The following ARHGAP39 variants were observed in gnomAD, a reference collection of about 807,000 sequenced individuals.
ARHGAP39 encodes the protein Rho GTPase activating protein 39.
In ARHGAP39, 44 loss-of-function variants were observed where a neutral mutation model predicts 106.9. The observed-to-expected ratio is 0.41, with a 90% CI of 0.32 to 0.53. The LOEUF (loss-of-function observed/expected upper bound fraction) is 0.53, where lower values mean the gene tolerates loss of function less well. Among genes scored for constraint, ARHGAP39 ranks in the 20% least tolerant of loss-of-function variants. ARHGAP39 has a pLI of 0.21. For synonymous variants in ARHGAP39, 768 were observed against 693.2 expected, an observed-to-expected ratio of 1.11 and a Z score of -1.69; for missense variants, 1,496 against 1,577.3, an observed-to-expected ratio of 0.95 and a Z score of 0.87.
At chr8:144,575,194 C>T (rs181793162) in intron 3 of ARHGAP39, among the ~76,000 whole-genome samples, 1 of 152,180 alleles carries the variant, frequency 6.6e-6, no homozygotes, top group Non-Finnish European at 1.5e-5. Flanking sequence ...AGTTGCCGTG[C>T]GTGTCGGTGA....
intron 1 of ARHGAP39, among the ~76,000 whole-genome samples, chr8:144,618,852 C>T (rs1048329041): frequency 1.3e-5 from 2 of 152,260 alleles, no homozygotes; most frequent in African/African-American, 4.8e-5. Flanking sequence ...GTGAGCAGGA[C>T]CGCGGGCGCA....
intron 2 of ARHGAP39, among the ~76,000 whole-genome samples, chr8:144,583,337 A>G (rs1178607338): frequency 6.6e-6 from 1 of 152,238 alleles, no homozygotes; most frequent in Non-Finnish European, 1.5e-5. Context: ...GCCTTCACCC[A>G]GATTCACCGC....
At chr8:144,568,179 CA>C (rs1818468855) in intron 3 of ARHGAP39, among the ~76,000 whole-genome samples, 1 of 151,580 alleles carries the variant, frequency 6.6e-6, no homozygotes, top group Admixed American at 6.6e-5. Context: ...CAAAAAAATA[CA>C]AAAATTAGCT....
At chr8:144,582,426 C>T (rs373392531) in intron 2 of ARHGAP39, among the ~76,000 whole-genome samples, 2 of 152,218 alleles carry the variant, frequency 1.3e-5, no homozygotes, top group South Asian at 2.1e-4. Context: ...CTGGGGAAGC[C>T]GGGCCCTCAC....
rs540867268 is a variant in ARHGAP39, at chr8:144,565,024, C to A, written c.513-9381G>T. Among the ~76,000 whole-genome samples, 130 of 151,916 alleles carry A rather than the reference C, an allele frequency of 8.6e-4. 1 individual carries two copies. The highest frequency in any genetic ancestry group is 3.1e-3 in the African/African-American group (129 of 41,398). ...ACTCGGGAGGCTGAGACAGGAGACT[C>A]GCTTGAACCCGGGAGGCAGAGGTTG... On this transcript the variant is annotated intron_variant, in intron 3 of 11. Coordinates refer to ENST00000377307, the MANE Select transcript of ARHGAP39 (RefSeq NM_025251.3).
intron 4 of ARHGAP39, among the ~76,000 whole-genome samples, chr8:144,553,420 C>G (rs1817795108): frequency 6.6e-6 from 1 of 152,234 alleles, no homozygotes; most frequent in Non-Finnish European, 1.5e-5. Flanking sequence ...TGAGAACACA[C>G]AGAGCACGCG....
rs773570142 is a variant in ARHGAP39 at position 144,530,103 on chromosome 8, G to C, written c.*319C>G. On this transcript the variant is annotated 3_prime_UTR_variant, in exon 12 of 12. Coordinates refer to ENST00000377307, the MANE Select transcript of ARHGAP39 (RefSeq NM_025251.3). ...CCACAGGGAGGCAGCCCGGCCCCAAGGAGGCAGCGTCGCTCGGCTCCAGGA... is the reference window on the plus strand; with the variant it reads ...CCACAGGGAGGCAGCCCGGCCCCAACGAGGCAGCGTCGCTCGGCTCCAGGA... 86 of 340,934 alleles carry C rather than the reference G, an allele frequency of 2.5e-4. No individual in the cohort carries two copies. The highest frequency in any genetic ancestry group is 3.4e-4 in the Non-Finnish European group (64 of 186,032). 21.1% of individuals were successfully genotyped at this position (340,934 alleles called of 1,614,324 possible).
At chr8:144,648,242 T>G (rs1336183508) in intron 1 of ARHGAP39, among the ~76,000 whole-genome samples, 1 of 152,178 alleles carries the variant, frequency 6.6e-6, no homozygotes, top group Non-Finnish European at 1.5e-5. Context: ...AGATGGCTCA[T>G]CCATAGCTCC....
At position 144,548,488 on chromosome 8, in the gene ARHGAP39, T is replaced by C; in HGVS notation, c.598A>G (p.Thr200Ala). The stretch of plus-strand genomic sequence containing the variant: ...CCCGAGTTCCACCGCAGCGAGGAGG[T>C]CCTGCGTGGGGGGTGGACGGGCACA... ...SADGQLLHYR[T>A]SSLRWNSGAK... Residue 200 changes from threonine (T) to alanine (A), a missense_variant and splice_region_variant, in exon 5 of 12, where the codon ACC becomes GCC. This residue lies in a region of ARHGAP39 where 905 missense variants were observed against 816.4 expected (regional missense o/e 1.11). Transcript: ENST00000377307. This position sits in a 1 kb window ranked among gnomAD's most constrained non-coding sequence, Gnocchi z 7.4. 1 of 1,608,078 alleles carries C rather than the reference T, an allele frequency of 6.2e-7. No individual in the cohort carries two copies. The highest frequency in any genetic ancestry group is 2.2e-5 in the East Asian group (1 of 44,836).
At chr8:144,690,827 T>G (rs2129807312), upstream of ARHGAP39, among the ~76,000 whole-genome samples, 1 of 151,116 alleles carries the variant, frequency 6.6e-6, no homozygotes, top group South Asian at 2.1e-4. Flanking sequence ...TTTTTTTTTT[T>G]TTTGTAGTTT....
At chr8:144,601,274 G>A (rs539419093) in intron 2 of ARHGAP39, among the ~76,000 whole-genome samples, 1 of 147,350 alleles carries the variant, frequency 6.8e-6, no homozygotes, top group East Asian at 2.1e-4. Flanking sequence ...GAACCTGTGT[G>A]TGTGCATGGA....
At chr8:144,655,813 C>T (rs111318668) in intron 1 of ARHGAP39, among the ~76,000 whole-genome samples, 3,387 of 152,170 alleles carry the variant, frequency 0.022, 115 homozygotes, top group African/African-American at 0.074. Context: ...CCAAAGACCC[C>T]GTAACACTAT....
rs1274357900 is a variant in ARHGAP39, at chr8:144,684,760, T to C, written c.-82+926A>G. 2.0e-5 allele frequency among the ~76,000 whole-genome samples: 3 copies of C among 152,152 alleles called. No homozygotes were observed. Among genetic ancestry groups the C allele is most frequent in the Admixed American group, 2.0e-4 (3 of 15,290 alleles). ...AGCAACCGGGAAGCAACCGAGGGAA[T>C]TCCAGCTCGGGGGGCAACCGGGAGG... On this transcript the variant is annotated intron_variant, in intron 1 of 11. Transcript: ENST00000377307. This position sits in a 1 kb window ranked among gnomAD's most constrained non-coding sequence, Gnocchi z 4.4.
intron 3 of ARHGAP39, among the ~76,000 whole-genome samples, chr8:144,565,059 G>A (rs1260507313): frequency 6.6e-6 from 1 of 151,640 alleles, no homozygotes; most frequent in African/African-American, 2.4e-5. Context: ...GCCGTGAGCC[G>A]AGATTGCGCC....
At chr8:144,560,110 T>A (rs1051254595) in intron 3 of ARHGAP39, among the ~76,000 whole-genome samples, 32 of 152,260 alleles carry the variant, frequency 2.1e-4, no homozygotes, top group African/African-American at 7.0e-4. Flanking sequence ...AAGGTCATTT[T>A]AAAAATGTTT....
In ARHGAP39 at chr8:144,585,157, A is replaced by G. The variant is rs547478375; in HGVS notation, c.81-3880T>C. 6.6e-6 allele frequency among the ~76,000 whole-genome samples: 1 copy of G among 152,046 alleles called. No homozygotes were observed. The highest frequency in any genetic ancestry group is 1.9e-4 in the East Asian group (1 of 5,146). On this transcript the variant is annotated intron_variant, in intron 2 of 11. Coordinates refer to ENST00000377307, the MANE Select transcript of ARHGAP39 (RefSeq NM_025251.3). This position sits in a 1 kb window ranked among gnomAD's most constrained non-coding sequence, Gnocchi z 4.6. ...CTGTGTCCCTCTCTGCTTTCACAGG[A>G]CCATTAAGGGAAACCCCACAGCAGG...
At chr8:144,685,221 G>A (rs1822552424) in intron 1 of ARHGAP39, among the ~76,000 whole-genome samples, 1 of 148,334 alleles carries the variant, frequency 6.7e-6, no homozygotes, top group African/African-American at 2.5e-5. Flanking sequence ...CCTCGGGCCG[G>A]GCACACTCAT....
chr8:144,700,362 T>C, the ARHGAP39 span: 1 of 152,370 alleles, frequency 6.6e-6, no homozygotes, highest in Non-Finnish European at 1.5e-5. The surrounding 1 kb of genome is among the most constrained non-coding windows in gnomAD (Gnocchi z 5.6). Context: ...CGCTGACCTG[T>C]CCTTGTCCCA....
At chr8:144,678,405 G>C (rs1209011467) in intron 1 of ARHGAP39, among the ~76,000 whole-genome samples, 1 of 152,164 alleles carries the variant, frequency 6.6e-6, no homozygotes, top group African/African-American at 2.4e-5. Context: ...TGGAGCACCT[G>C]AGGACAAGGC....
Sources: gnomAD v4.1 joint callset for allele counts (sites outside exome capture counted in the v4.1 genomes callset) on GRCh38, gnomAD v4.1.1 for gene constraint, gnomAD v4.1.1 regional missense constraint, Gnocchi (gnomAD v3.1) non-coding constraint, MANE v1.5 for transcripts, NCBI Gene and HGNC (gene_info 2026-07-23, HGNC 2026-07-21) for gene names.